Variants in FBXO34 observed in about 807,000 individuals in gnomAD.
FBXO34 encodes F-box protein 34.
Under a neutral mutation model 24.5 loss-of-function variants are expected in FBXO34, and 12 were observed. That is an observed-to-expected ratio of 0.49 (90% CI 0.31 to 0.79). The LOEUF is 0.79. Among genes scored for constraint, FBXO34 ranks in the 30% least tolerant of loss-of-function variants. FBXO34 has a pLI of 0.04. For missense variants in FBXO34, 823 were observed against 857.7 expected, an observed-to-expected ratio of 0.96 and a Z score of 0.51; for synonymous variants, 320 against 311.9, an observed-to-expected ratio of 1.03 and a Z score of -0.27.
Position 55,351,305 on chromosome 14 carries a change from T to C in FBXO34, c.915T>C (p.Asn305=). 1.9e-6 allele frequency: 3 copies of C among 1,614,198 alleles called. No homozygotes were observed. The highest frequency in any genetic ancestry group is 2.5e-6 in the Non-Finnish European group (3 of 1,180,040). The change falls in exon 2 of 2, where the codon AAT becomes AAC. Residue 305 remains asparagine, a synonymous_variant. Coordinates refer to ENST00000313833, the MANE Select transcript of FBXO34 (RefSeq NM_017943.4). The part of the protein sequence containing the change: ...GQREPGSLSR[N]NSFRRNVGRV... ...GTGAGCCTGGGAGCCTCTCAAGGAA[T>C]AACAGCTTCCGTCGAAATGTGGGCA...
intron 1 of FBXO34, among the ~76,000 whole-genome samples, chr14:55,349,602 A>G (rs577316138): frequency 0.01 from 945 of 90,386 alleles, 3 homozygotes; most frequent in Non-Finnish European, 0.015. Flanking sequence ...GGAAGCAATA[A>G]TTTTCTTTTT....
intron 1 of FBXO34, among the ~76,000 whole-genome samples, chr14:55,334,365 C>T (rs200103271): frequency 6.6e-6 from 1 of 152,168 alleles, no homozygotes; most frequent in East Asian, 1.9e-4. Flanking sequence ...CTTACATGTA[C>T]AGGGCACTGT....
At chr14:55,329,449 T>C (rs139689893) in intron 1 of FBXO34, among the ~76,000 whole-genome samples, 414 of 152,278 alleles carry the variant, frequency 2.7e-3, no homozygotes, top group Non-Finnish European at 5.1e-3. Flanking sequence ...AAAAATGCAT[T>C]CAATTGTTTC....
intron 3 of FBXO34, among the ~76,000 whole-genome samples, chr14:55,359,962 C>T (rs1884571713): frequency 6.6e-6 from 1 of 151,848 alleles, no homozygotes. Context: ...TGCCAATAGT[C>T]CCAACTAGTT....
At chr14:55,278,540 T>C (rs1881420864) in intron 1 of FBXO34, among the ~76,000 whole-genome samples, 2 of 152,204 alleles carry the variant, frequency 1.3e-5, no homozygotes, top group African/African-American at 4.8e-5. Context: ...TCCGTGGTTT[T>C]GGTCCCTTTG....
the FBXO34 span, among the ~76,000 whole-genome samples, chr14:55,410,317 T>TTTA: frequency 1.3e-5 from 2 of 152,214 alleles, no homozygotes; most frequent in African/African-American, 4.8e-5. Flanking sequence ...GTATTTAAAT[T>TTTA]ATGTGAATAG....
downstream of FBXO34, among the ~76,000 whole-genome samples, chr14:55,354,897 A>G (rs1884497499): frequency 6.6e-6 from 1 of 152,092 alleles, no homozygotes; most frequent in African/African-American, 2.4e-5. Flanking sequence ...AGGATCACAG[A>G]ATTCAAGAAA....
chr14:55,431,154 T>G, the FBXO34 span, among the ~76,000 whole-genome samples: 1 of 152,132 alleles, frequency 6.6e-6, no homozygotes, highest in Non-Finnish European at 1.5e-5. Context: ...AGAGAATAGG[T>G]TTGGATAAAA....
Position 55,350,722 on chromosome 14 carries a change from T to C in FBXO34, c.332T>C (p.Val111Ala). Residue 111 changes from valine (V) to alanine (A), a missense_variant, in exon 2 of 2, where the codon GTG becomes GCG. By Grantham distance (64) the Val-to-Ala change is moderately conservative. Coordinates refer to ENST00000313833, the MANE Select transcript of FBXO34 (RefSeq NM_017943.4). ...GGACCACTTGATATCTGGGCTGTTG[T>C]GAAACCTGGAAATACCAAGGAAAAA... ...EEGPLDIWAV[V>A]KPGNTKEKIA... The C allele has an allele frequency of 1.2e-6, 2 of 1,612,826 alleles. No individual in the cohort carries two copies. The highest frequency in any genetic ancestry group is 1.7e-6 in the Non-Finnish European group (2 of 1,179,688).
At chr14:55,386,169 A>G in the FBXO34 span, 1 of 1,264,530 alleles carries the variant, frequency 7.9e-7, no homozygotes, top group Middle Eastern at 1.9e-4. Context: ...TCCACCCCAC[A>G]AACATGCGTG....
chr14:55,313,775 G>C (rs1566551410), intron 1 of FBXO34, among the ~76,000 whole-genome samples: 1 of 152,094 alleles, frequency 6.6e-6, no homozygotes, highest in East Asian at 1.9e-4. Flanking sequence ...AACAGCATGG[G>C]GGAAACCACC....
the FBXO34 span, among the ~76,000 whole-genome samples, chr14:55,391,659 T>C: frequency 2.6e-5 from 4 of 152,280 alleles, no homozygotes; most frequent in South Asian, 4.1e-4. Flanking sequence ...ATTCAGTTCC[T>C]TACTCACACC....
rs556068490 is a variant in FBXO34 at position 55,320,593 on chromosome 14, T to TAC, written c.-10-29778_-10-29777dup. 2.6e-5 allele frequency among the ~76,000 whole-genome samples: 4 copies of TAC among 152,014 alleles called. No individual in the cohort carries two copies. The East Asian group carries it at 5.8e-4, about 22-fold the overall frequency. ...GGTGAAACCCCGTCTCTACTAAAAA[T>TAC]ACACACACACAAAAATTAGCCGGGT... is the stretch of plus-strand genomic sequence containing the variant. On this transcript the variant is annotated intron_variant, in intron 1 of 1. Coordinates refer to ENST00000313833, the MANE Select transcript of FBXO34 (RefSeq NM_017943.4).
chr14:55,438,940 G>A, the FBXO34 span: 1 of 106,932 alleles, frequency 9.4e-6, no homozygotes, highest in Non-Finnish European at 1.8e-5. Flanking sequence ...TTGCTCTCTT[G>A]CCTTTTTTTT....
At chr14:55,285,102 A>C (rs1297456969) in intron 1 of FBXO34, 1 of 149,956 alleles carries the variant, frequency 6.7e-6, no homozygotes, top group Non-Finnish European at 1.5e-5. Flanking sequence ...GGCCGGGCAC[A>C]GTGGCTCACG....
downstream of FBXO34, among the ~76,000 whole-genome samples, chr14:55,357,688 C>G (rs1224697634): frequency 6.6e-6 from 1 of 152,156 alleles, no homozygotes; most frequent in Non-Finnish European, 1.5e-5. Flanking sequence ...TGGCACACAC[C>G]TGTAGCCCCT....
chr14:55,309,361 G>A (rs1313151056), intron 1 of FBXO34, among the ~76,000 whole-genome samples: 1 of 152,164 alleles, frequency 6.6e-6, no homozygotes, highest in Non-Finnish European at 1.5e-5. Flanking sequence ...TTTCCAGAAC[G>A]ATGGGCTATG....
At chr14:55,289,575 C>T (rs979339027) in intron 1 of FBXO34, among the ~76,000 whole-genome samples, 1 of 152,000 alleles carries the variant, frequency 6.6e-6, no homozygotes, top group African/African-American at 2.4e-5. Flanking sequence ...TTGCTTTGTG[C>T]CCCAGGCTGG....
chr14:55,323,932 C>T (rs184962095), intron 1 of FBXO34, among the ~76,000 whole-genome samples: 127 of 152,240 alleles, frequency 8.3e-4, no homozygotes, highest in Non-Finnish European at 6.8e-4. Flanking sequence ...TAATCACATA[C>T]CACAAAATTC....
Sources: allele counts gnomAD v4.1 joint callset (sites outside exome capture counted in the v4.1 genomes callset), GRCh38; gene constraint gnomAD v4.1.1; transcripts MANE v1.5; gene names NCBI Gene and HGNC (gene_info 2026-07-23, HGNC 2026-07-21).